CSMD1: variants seen among roughly 807,000 people sequenced by gnomAD.
CSMD1 encodes CUB and Sushi multiple domains 1.
Under a neutral mutation model 417.5 loss-of-function variants are expected in CSMD1, and 213 were observed. The ratio of observed to expected loss-of-function variants is 0.51; its 90% confidence interval spans 0.46 to 0.57. The LOEUF (loss-of-function observed/expected upper bound fraction) is 0.57, where lower values mean the gene tolerates loss of function less well. Ranked by LOEUF, CSMD1 falls within the 20% of genes least tolerant of loss-of-function variation. The probability of loss-of-function intolerance (pLI) is 0.00; values close to 1 mark genes in which losing one functional copy is unlikely to be tolerated. For missense variants in CSMD1, 6,923 were observed against 4,529.7 expected (o/e 1.53, Z -15.17); for synonymous variants, 2,862 against 1,736.8 (o/e 1.65, Z -16.11).
chr8:4,442,418 T>C (rs1563178047), intron 2 of CSMD1, among the ~76,000 whole-genome samples: 1 of 152,186 alleles, frequency 6.6e-6, no homozygotes, highest in Non-Finnish European at 1.5e-5. Context: ...CCACTGTATA[T>C]ATGAACATAT....
At chr8:4,025,741 T>C (rs1797026972) in intron 4 of CSMD1, among the ~76,000 whole-genome samples, 1 of 152,198 alleles carries the variant, frequency 6.6e-6, no homozygotes, top group South Asian at 2.1e-4. Flanking sequence ...GGTCTCATTT[T>C]TAATGTCAAT....
At chr8:4,138,044 ATTTTTTTTTTTTTTTTTTTTTTTT>A (rs55993904) in intron 3 of CSMD1, among the ~76,000 whole-genome samples, 50 of 62,710 alleles carry the variant, frequency 8.0e-4, no homozygotes, top group African/African-American at 2.8e-3. Context: ...TGCCCGGCTA[ATTTTTTTTTTTTTTTTTTTTTTTT>A]TTTTTTTTTT....
intron 3 of CSMD1, among the ~76,000 whole-genome samples, chr8:4,158,963 T>G (rs1003404741): frequency 5.3e-5 from 8 of 152,204 alleles, no homozygotes; most frequent in African/African-American, 1.4e-4. Context: ...TTGCCCAGGT[T>G]GGAGTGCAGT....
At chr8:3,978,747 C>T (rs1232468848) in intron 5 of CSMD1, among the ~76,000 whole-genome samples, 2 of 152,094 alleles carry the variant, frequency 1.3e-5, no homozygotes, top group Admixed American at 6.5e-5. Flanking sequence ...CCCCAGCATA[C>T]GACATCAGTG....
chr8:4,215,335 T>G (rs915294382), intron 3 of CSMD1, among the ~76,000 whole-genome samples: 1 of 152,202 alleles, frequency 6.6e-6, no homozygotes, highest in Non-Finnish European at 1.5e-5. Flanking sequence ...GGCTTTTAGA[T>G]GTCCACAGAT....
chr8:4,242,165 C>A (rs1486904415), intron 3 of CSMD1, among the ~76,000 whole-genome samples: 4 of 152,112 alleles, frequency 2.6e-5, no homozygotes, highest in African/African-American at 9.7e-5. Context: ...ATTAGACATC[C>A]TTCTCAGAAT....
intron 1 of CSMD1, among the ~76,000 whole-genome samples, chr8:4,779,115 G>A (rs550872008): frequency 1.4e-4 from 22 of 152,064 alleles, no homozygotes; most frequent in Non-Finnish European, 2.9e-4. Context: ...TGCTTTTATT[G>A]TTTAAAATTT....
chr8:2,998,087 G>A lies in CSMD1; in HGVS notation c.8301C>T (p.Gly2767=). 1 of 1,613,996 alleles carries A rather than the reference G, an allele frequency of 6.2e-7. No individual in the cohort carries two copies. Among genetic ancestry groups the A allele is most frequent in the Admixed American group, 1.7e-5 (1 of 60,026 alleles). The part of the protein sequence containing the change: ...NDVVNFTCNT[G]YLLQGVSRAQ... ...CTCGAGACACGCCCTGCAGCAAATA[G>A]CCCGTGTTGCAGGTGAAATTCACGA... Residue 2767 remains glycine, a synonymous_variant, in exon 54 of 70, where the codon GGC becomes GGT. Coordinates refer to ENST00000635120, the MANE Select transcript of CSMD1 (RefSeq NM_033225.6).
chr8:3,740,232 A>C (rs1027037689), intron 6 of CSMD1, among the ~76,000 whole-genome samples: 1 of 151,996 alleles, frequency 6.6e-6, no homozygotes, highest in African/African-American at 2.4e-5. Context: ...CAGCCTCCCA[A>C]GTTGCTGACA....
chr8:4,407,001 T>A (rs572604772), intron 3 of CSMD1, among the ~76,000 whole-genome samples: 140 of 152,304 alleles, frequency 9.2e-4, no homozygotes, highest in African/African-American at 3.3e-3. Flanking sequence ...GGGTTGGGAT[T>A]CCACACCATA....
intron 12 of CSMD1, among the ~76,000 whole-genome samples, chr8:3,419,354 TGAAG>T (rs1563369871): frequency 6.6e-6 from 1 of 152,048 alleles, no homozygotes; most frequent in Non-Finnish European, 1.5e-5. Context: ...TAATTGAAAA[TGAAG>T]GATGAAGGTG....
chr8:4,498,324 GAC>G (rs1339942094), intron 2 of CSMD1, among the ~76,000 whole-genome samples: 3 of 151,934 alleles, frequency 2.0e-5, no homozygotes, highest in African/African-American at 7.3e-5. Context: ...TAACTATTTA[GAC>G]ACACACACGT....
intron 7 of CSMD1, among the ~76,000 whole-genome samples, chr8:3,621,872 G>C (rs1796259409): frequency 6.6e-6 from 1 of 151,926 alleles, no homozygotes; most frequent in Non-Finnish European, 1.5e-5. Context: ...ACGTCCCAAA[G>C]TGCTGGAATT....
chr8:4,277,841 T>A (rs1796571555), intron 3 of CSMD1, among the ~76,000 whole-genome samples: 1 of 152,160 alleles, frequency 6.6e-6, no homozygotes, highest in Admixed American at 6.5e-5. Flanking sequence ...TCTGCCTCCC[T>A]GGTTCACACC....
intron 12 of CSMD1, among the ~76,000 whole-genome samples, chr8:3,428,505 A>G (rs1813998134): frequency 6.6e-6 from 1 of 152,196 alleles, no homozygotes; most frequent in African/African-American, 2.4e-5. Flanking sequence ...AATAAAAATG[A>G]TGGGGAAAAA....
intron 1 of CSMD1, among the ~76,000 whole-genome samples, chr8:4,660,616 A>G (rs992322255): frequency 2.6e-5 from 4 of 152,142 alleles, no homozygotes; most frequent in Non-Finnish European, 5.9e-5. Flanking sequence ...AATAAAAAAT[A>G]TTATAAATTA....
intron 10 of CSMD1, among the ~76,000 whole-genome samples, chr8:3,524,439 G>A (rs904779552): frequency 7.2e-6 from 1 of 138,524 alleles, no homozygotes; most frequent in Non-Finnish European, 1.6e-5. Context: ...ATCTGCATCT[G>A]CACGCACACA....
At position 4,190,256 on chromosome 8, in the gene CSMD1, A is replaced by C. The variant is rs865819765; in HGVS notation, c.416-158157T>G. 4.1e-3 allele frequency among the ~76,000 whole-genome samples: 491 copies of C among 119,898 alleles called. 3 individuals carry two copies. Among genetic ancestry groups the C allele is most frequent in the African/African-American group, 0.012 (455 of 37,692 alleles). 78.7% of individuals were successfully genotyped at this position (119,898 alleles called of 152,430 possible). On this transcript the variant is annotated intron_variant, in intron 3 of 69. Transcript: ENST00000635120. ...CCTGGGCAACAAACTCCGTCTCCAA[A>C]AAAAAAAAAAAAAAAAAAAGCAGAG...
intron 25 of CSMD1, among the ~76,000 whole-genome samples, chr8:3,302,105 C>A (rs718123): frequency 6.6e-6 from 1 of 152,034 alleles, no homozygotes; most frequent in Admixed American, 6.6e-5. Context: ...GTCTCCCGCC[C>A]CTTGGAGGGA....
Sources: allele counts gnomAD v4.1 joint callset (sites outside exome capture counted in the v4.1 genomes callset), GRCh38; gene constraint gnomAD v4.1.1; transcripts MANE v1.5; gene names NCBI Gene and HGNC (gene_info 2026-07-23, HGNC 2026-07-21).